The following KIZ variants were observed in gnomAD, a reference collection of about 807,000 sequenced individuals.
KIZ encodes kizuna centrosomal protein, also known as centrosomal protein kizuna.
A neutral mutation model predicts 79.6 loss-of-function variants in KIZ; 68 were observed. That is an observed-to-expected ratio of 0.85 (90% CI 0.70 to 1.05). The LOEUF (loss-of-function observed/expected upper bound fraction) is 1.05, where lower values mean the gene tolerates loss of function less well. Ranked by LOEUF, KIZ falls within the 50% of genes least tolerant of loss-of-function variation. The probability of loss-of-function intolerance (pLI) is 0.00; values close to 1 mark genes in which losing one functional copy is unlikely to be tolerated. For missense variants in KIZ, 797 were observed against 800.4 expected, an observed-to-expected ratio of 1.00 and a Z score of 0.05; for synonymous variants, 280 against 281.8, an observed-to-expected ratio of 0.99 and a Z score of 0.06.
At chr20:21,236,721 G>A (rs1410470702) in intron 11 of KIZ, among the ~76,000 whole-genome samples, 2 of 152,124 alleles carry the variant, frequency 1.3e-5, no homozygotes, top group East Asian at 1.9e-4. Context: ...CAGGCCAGGC[G>A]CAGTGGCTCA....
At chr20:21,195,793 G>A (rs1041975914) in intron 6 of KIZ, 1 of 152,200 alleles carries the variant, frequency 6.6e-6, no homozygotes, top group African/African-American at 2.4e-5. Flanking sequence ...GAAGATCTAG[G>A]TTCACTGGGA....
chr20:21,216,032 A>G (rs957535663), intron 9 of KIZ, among the ~76,000 whole-genome samples: 1 of 152,220 alleles, frequency 6.6e-6, no homozygotes, highest in African/African-American at 2.4e-5. Flanking sequence ...TATGTATATT[A>G]AAATAAGCAG....
At chr20:21,137,308 C>G (rs2032249501) in intron 3 of KIZ, among the ~76,000 whole-genome samples, 1 of 152,068 alleles carries the variant, frequency 6.6e-6, no homozygotes, top group African/African-American at 2.4e-5. Flanking sequence ...TGCTTGGCTT[C>G]CTGCTGCTCC....
chr20:21,238,298 A>C (rs930450701), intron 11 of KIZ, among the ~76,000 whole-genome samples: 2 of 151,470 alleles, frequency 1.3e-5, no homozygotes, highest in Admixed American at 1.3e-4. Context: ...AGCTGCAGGG[A>C]ATCATGCATT....
intron 6 of KIZ, chr20:21,166,502 T>C (rs1600431182): frequency 6.4e-7 from 1 of 1,560,870 alleles, no homozygotes; most frequent in Non-Finnish European, 8.8e-7. Context: ...GACGATGACT[T>C]TGGAGCACGG....
At chr20:21,146,901 T>G (rs1441837105) in intron 4 of KIZ, among the ~76,000 whole-genome samples, 1 of 152,188 alleles carries the variant, frequency 6.6e-6, no homozygotes, top group African/African-American at 2.4e-5. Flanking sequence ...CCCAGCAACC[T>G]TGACCTATAT....
intron 1 of KIZ, among the ~76,000 whole-genome samples, chr20:21,129,467 G>T (rs1222861695): frequency 6.6e-6 from 1 of 152,182 alleles, no homozygotes; most frequent in Admixed American, 6.5e-5. Context: ...GGGCGTGGTG[G>T]CTCACACCTA....
intron 6 of KIZ, among the ~76,000 whole-genome samples, chr20:21,182,800 C>CAA (rs763359536): frequency 5.4e-4 from 45 of 82,660 alleles, no homozygotes; most frequent in Non-Finnish European, 8.9e-4. Flanking sequence ...GTCCCCCCAC[C>CAA]AAAAAAAAAA....
chr20:21,180,421 A>AG (rs1380616357), intron 6 of KIZ, among the ~76,000 whole-genome samples: 1 of 152,150 alleles, frequency 6.6e-6, no homozygotes, highest in East Asian at 1.9e-4. Flanking sequence ...AATAAGTGGT[A>AG]GGGGGTGGGG....
At chr20:21,140,293 A>G (rs2032442179) in intron 3 of KIZ, among the ~76,000 whole-genome samples, 1 of 152,066 alleles carries the variant, frequency 6.6e-6, no homozygotes, top group Non-Finnish European at 1.5e-5. Flanking sequence ...TTGCCCACAC[A>G]CCCCAAAATG....
chr20:21,163,003 G>A lies in KIZ; in HGVS notation c.1196G>A (p.Gly399Asp), dbSNP rs767137895. ...LESPEPQPNP[G>D]GKMEGEDGIE... ...AGCCCAGAACCACAGCCAAATCCAG[G>A]TGGCAAGATGGAGGGAGAAGATGGA... The change falls in exon 6 of 13, where the codon GGT becomes GAT. Residue 399 changes from glycine (G) to aspartate (D), a missense_variant. Gly to Asp is a moderately conservative substitution (Grantham distance 94). Coordinates refer to ENST00000619189, the MANE Select transcript of KIZ (RefSeq NM_018474.6). The A allele has an allele frequency of 7.4e-6, 12 of 1,613,784 alleles. No homozygotes were observed. The highest frequency in any genetic ancestry group is 4.0e-5 in the African/African-American group (3 of 74,904).
intron 3 of KIZ, among the ~76,000 whole-genome samples, chr20:21,144,403 A>G (rs1310706179): frequency 6.6e-6 from 1 of 152,200 alleles, no homozygotes; most frequent in Admixed American, 6.5e-5. Flanking sequence ...CTTGGGGCTA[A>G]AATGTAAACA....
intron 11 of KIZ, among the ~76,000 whole-genome samples, chr20:21,238,366 T>TGTGA (rs776242830): frequency 5.1e-4 from 77 of 150,200 alleles, no homozygotes; most frequent in African/African-American, 1.7e-3. Flanking sequence ...TGTGTGTGTG[T>TGTGA]GAGAGGGTGT....
chr20:21,137,129 C>G (rs1252040397), intron 3 of KIZ, among the ~76,000 whole-genome samples: 10 of 152,158 alleles, frequency 6.6e-5, no homozygotes, highest in Admixed American at 5.9e-4. Context: ...GGTCTGGGCC[C>G]CTCTTCTCTG....
intron 6 of KIZ, among the ~76,000 whole-genome samples, chr20:21,199,281 T>C (rs1196685501): frequency 2.6e-5 from 4 of 152,356 alleles, no homozygotes; most frequent in East Asian, 1.9e-4. Context: ...TCTACAGTTA[T>C]GTGTAAATCA....
intron 6 of KIZ, among the ~76,000 whole-genome samples, chr20:21,182,347 C>G (rs1010767996): frequency 6.6e-6 from 1 of 152,178 alleles, no homozygotes; most frequent in African/African-American, 2.4e-5. Flanking sequence ...GAAAGAGACT[C>G]TCTTCTTGAG....
At chr20:21,230,490 T>C (rs1035612793) in intron 10 of KIZ, among the ~76,000 whole-genome samples, 2 of 152,110 alleles carry the variant, frequency 1.3e-5, no homozygotes. Context: ...AAAAATGTCT[T>C]TTTCAGACAG....
intron 6 of KIZ, among the ~76,000 whole-genome samples, chr20:21,181,645 G>T (rs1405825012): frequency 6.6e-6 from 1 of 152,052 alleles, no homozygotes; most frequent in Non-Finnish European, 1.5e-5. Flanking sequence ...TTTTAGTAGG[G>T]ATGTGGTTTT....
At chr20:21,163,998 C>T (rs559313976) in intron 6 of KIZ, among the ~76,000 whole-genome samples, 21 of 152,226 alleles carry the variant, frequency 1.4e-4, no homozygotes, top group African/African-American at 3.1e-4. Context: ...AAACGAAGGC[C>T]GGGGCAGAGT....
Sources: allele counts gnomAD v4.1 joint callset (sites outside exome capture counted in the v4.1 genomes callset), GRCh38; gene constraint gnomAD v4.1.1; transcripts MANE v1.5; gene names NCBI Gene and HGNC (gene_info 2026-07-23, HGNC 2026-07-21).